Variants in FBN2 observed in about 807,000 individuals in gnomAD.
FBN2 encodes the protein fibrillin-2.
Under a neutral mutation model 355.6 loss-of-function variants are expected in FBN2, and 105 were observed. The ratio of observed to expected loss-of-function variants is 0.30; its 90% confidence interval spans 0.25 to 0.35. The LOEUF (loss-of-function observed/expected upper bound fraction) is 0.35. FBN2 is among the 10% of genes least tolerant of loss of function. FBN2 has a pLI of 1.00. For synonymous variants in FBN2, 1,350 were observed against 1,301.2 expected (o/e 1.04, Z -0.81); for missense variants, 3,280 against 3,758.7 (o/e 0.87, Z 3.33).
chr5:128,324,657 A>C (rs138509245), intron 34 of FBN2, among the ~76,000 whole-genome samples: 1 of 145,082 alleles, frequency 6.9e-6, no homozygotes, highest in African/African-American at 2.6e-5. Flanking sequence ...CGCTCTGTTG[A>C]CCCAGCCTGG....
chr5:128,310,445 G>A (rs1476500138), intron 39 of FBN2, among the ~76,000 whole-genome samples: 2 of 130,626 alleles, frequency 1.5e-5, no homozygotes, highest in African/African-American at 5.8e-5. Context: ...TTCTTCAATT[G>A]GAATTTCTTT....
intron 6 of FBN2, among the ~76,000 whole-genome samples, chr5:128,462,392 T>C (rs1561468816): frequency 6.6e-6 from 1 of 152,184 alleles, no homozygotes; most frequent in Non-Finnish European, 1.5e-5. Flanking sequence ...GAAATCACAG[T>C]AAGATGTCTT....
intron 4 of FBN2, 83 bp from the exon 5 acceptor site, chr5:128,519,451 G>A (rs1332183103): frequency 5.2e-6 from 5 of 965,864 alleles, no homozygotes; most frequent in Non-Finnish European, 8.2e-6. Context: ...GCCAATAAAG[G>A]ATCTTATGTT....
intron 20 of FBN2, among the ~76,000 whole-genome samples, chr5:128,355,973 T>C (rs1167267657): frequency 6.6e-6 from 1 of 152,198 alleles, no homozygotes; most frequent in Non-Finnish European, 1.5e-5. Context: ...AGGCAAAAAC[T>C]ATCTTTGATG....
rs146861126 is a variant in FBN2, at chr5:128,443,393, A to C, written c.952+3088T>G. On this transcript the variant is annotated intron_variant, in intron 7 of 64. Coordinates refer to ENST00000262464, the MANE Select transcript of FBN2 (RefSeq NM_001999.4). The stretch of plus-strand genomic sequence containing the variant: ...CCCAAGTCAAATAAACTAACTTATT[A>C]TATATCCTACTCTCAATTAATCAAC... Among the ~76,000 whole-genome samples, 119 of 152,300 alleles carry C rather than the reference A, an allele frequency of 7.8e-4. 1 individual carries two copies. Among genetic ancestry groups the C allele is most frequent in the African/African-American group, 2.8e-3 (118 of 41,560 alleles).
At chr5:128,384,280 T>A (rs912115914) in intron 11 of FBN2, among the ~76,000 whole-genome samples, 1 of 151,858 alleles carries the variant, frequency 6.6e-6, no homozygotes, top group African/African-American at 2.4e-5. Flanking sequence ...GGGGACAGGA[T>A]GGGGGCTGGG....
At chr5:128,351,868 T>C (rs1485069823) in intron 20 of FBN2, among the ~76,000 whole-genome samples, 2 of 149,034 alleles carry the variant, frequency 1.3e-5, no homozygotes, top group African/African-American at 4.9e-5. Context: ...GCCCCGCCCT[T>C]CTTTTTTTTT....
rs1283944508 is a variant in FBN2, at chr5:128,280,788, G to C, written c.7013-471C>G. 2.0e-5 allele frequency among the ~76,000 whole-genome samples: 3 copies of C among 152,144 alleles called. No individual in the cohort carries two copies. In the East Asian group the frequency reaches 5.8e-4, roughly 29 times the overall value. On this transcript the variant is annotated intron_variant, in intron 55 of 64. Coordinates refer to ENST00000262464, the MANE Select transcript of FBN2 (RefSeq NM_001999.4). ...AAATTGGTTTTGAGTAAAATCACAG[G>C]AACAACTATGGTCTGTGAGGGTAGT...
chr5:128,378,692 T>G, intron 12 of FBN2, 79 bp downstream of exon 12: 1 of 1,467,890 alleles, frequency 6.8e-7, no homozygotes, highest in Non-Finnish European at 9.5e-7. Context: ...CATGTTTTAA[T>G]AAATTTACTT....
At position 128,373,293 on chromosome 5, in the gene FBN2, T is replaced by C. The variant is rs1053941226; in HGVS notation, c.2095+1335A>G. ...TAAAGGAAAAAAGCAAGTAAATATA[T>C]TAAAGCAACTGAAAATATTTTAGCT... On this transcript the variant is annotated intron_variant, in intron 15 of 64. Coordinates refer to ENST00000262464, the MANE Select transcript of FBN2 (RefSeq NM_001999.4). Among the ~76,000 whole-genome samples, 48 of 152,198 alleles carry C rather than the reference T, an allele frequency of 3.2e-4. 2 individuals are homozygous for C. Among genetic ancestry groups the C allele is most frequent in the Non-Finnish European group, 1.5e-5 (1 of 68,034 alleles).
intron 34 of FBN2, among the ~76,000 whole-genome samples, chr5:128,325,330 T>C (rs1325945887): frequency 6.6e-6 from 1 of 152,242 alleles, no homozygotes; most frequent in Non-Finnish European, 1.5e-5. Context: ...TTAGCTTTTC[T>C]TGTTGCATTG....
At position 128,328,762 on chromosome 5, in the gene FBN2, G is replaced by C; in HGVS notation, c.4405C>G (p.Pro1469Ala). 1.2e-6 allele frequency: 2 copies of C among 1,614,046 alleles called. No individual in the cohort carries two copies. The highest frequency in any genetic ancestry group is 1.7e-6 in the Non-Finnish European group (2 of 1,179,994). The change falls in exon 34 of 65, where the codon CCG (proline) becomes GCG (alanine). Residue 1469 changes from proline to alanine, a missense_variant. This residue lies in a region of FBN2 where 2,284 missense variants were observed against 2,749.5 expected (regional missense o/e 0.83). Transcript: ENST00000262464. The stretch of plus-strand genomic sequence containing the variant: ...TCACACTCGCAGCGATATGCACCCG[G>C]GACATTAAGGCACTGTCCGTTCTCA... ...LCENGQCLNV[P>A]GAYRCECEMG... is the part of the protein sequence containing the mutation.
chr5:128,315,354 C>T (rs1295972029), intron 36 of FBN2, among the ~76,000 whole-genome samples: 1 of 152,152 alleles, frequency 6.6e-6, no homozygotes, highest in Non-Finnish European at 1.5e-5. Flanking sequence ...TATCAACTGT[C>T]ATTCATGAAC....
At chr5:128,446,285 T>G in intron 7 of FBN2, 196 bp downstream of exon 7, 1 of 517,884 alleles carries the variant, frequency 1.9e-6, no homozygotes, top group Non-Finnish European at 3.5e-6. Context: ...ATGCAAATGC[T>G]CATTGACTCT....
intron 7 of FBN2, among the ~76,000 whole-genome samples, chr5:128,413,058 C>T (rs988174739): frequency 1.3e-5 from 2 of 152,170 alleles, no homozygotes; most frequent in African/African-American, 4.8e-5. Flanking sequence ...ACATGTTTTA[C>T]AGTTAAGTTG....
At chr5:128,274,433 CT>C in intron 60 of FBN2, 133 bp downstream of exon 60, 1 of 698,536 alleles carries the variant, frequency 1.4e-6, no homozygotes, top group Non-Finnish European at 2.6e-6. Context: ...TTAGCAACTT[CT>C]TTAGACCACA....
At chr5:128,377,021 G>A (rs1017566584) in intron 13 of FBN2, among the ~76,000 whole-genome samples, 168 bp from the exon 14 acceptor site, 6 of 152,146 alleles carry the variant, frequency 3.9e-5, no homozygotes, top group Non-Finnish European at 5.9e-5. Flanking sequence ...AAAATAGTGC[G>A]GAGAGTGGAA....
rs767271613 is a variant in FBN2 at position 128,350,993 on chromosome 5, C to T, written c.2687G>A (p.Gly896Glu). The change falls in exon 21 of 65, where the codon GGG becomes GAG. Residue 896 changes from glycine to glutamate, a missense_variant. Transcript: ENST00000262464. ...TGLICIDSLK[G>E]TCWLNIQDSR... The stretch of plus-strand genomic sequence containing the variant: ...GTCCTGGATGTTGAGCCAACAGGTC[C>T]CCTTCAGGCTGTCTGAAAAGGAACA... 1 of 1,614,122 alleles carries T rather than the reference C, an allele frequency of 6.2e-7. No individual in the cohort carries two copies. The highest frequency in any genetic ancestry group is 1.1e-5 in the South Asian group (1 of 91,074).
At chr5:128,471,036 C>T (rs1199862472) in intron 5 of FBN2, among the ~76,000 whole-genome samples, 1 of 152,102 alleles carries the variant, frequency 6.6e-6, no homozygotes, top group Non-Finnish European at 1.5e-5. Flanking sequence ...TGTAGGATTT[C>T]CTATCAACTT....
Sources: allele counts gnomAD v4.1 joint callset (sites outside exome capture counted in the v4.1 genomes callset), GRCh38; gene constraint gnomAD v4.1.1; regional missense constraint gnomAD v4.1.1; transcripts MANE v1.5; gene names NCBI Gene and HGNC (gene_info 2026-07-23, HGNC 2026-07-21).